TENM1: variants seen among roughly 807,000 people sequenced by gnomAD.
The protein encoded by TENM1 is teneurin transmembrane protein 1, also known as teneurin-1.
A neutral mutation model predicts 174.8 loss-of-function variants in TENM1; 35 were observed. The observed-to-expected ratio is 0.20, with a 90% CI of 0.15 to 0.27. The LOEUF (loss-of-function observed/expected upper bound fraction) is 0.27. Among genes scored for constraint, TENM1 ranks in the 10% least tolerant of loss-of-function variants. The probability of loss-of-function intolerance (pLI) is 1.00; values close to 1 mark genes in which losing one functional copy is unlikely to be tolerated. For synonymous variants in TENM1, 781 were observed against 798.7 expected, an observed-to-expected ratio of 0.98 and a Z score of 0.37; for missense variants, 1,633 against 2,130.1, an observed-to-expected ratio of 0.77 and a Z score of 4.59.
rs1219452273 is a variant in TENM1, at chrX:124,681,120, A to G, written c.1016-9285T>C. Among the ~76,000 whole-genome samples the G allele has an allele frequency of 2.7e-5, 3 of 112,134 alleles. No individual in the cohort carries two copies. The East Asian group carries it at 8.3e-4, about 31-fold the overall frequency. On this transcript the variant is annotated intron_variant, in intron 5 of 31. Transcript: ENST00000422452. ...TTCTGAGTTAGCATCATGTAATCATAGCCATAAATATGTGGTATGTGTCCT... is the reference window on the plus strand; with the variant it reads ...TTCTGAGTTAGCATCATGTAATCATGGCCATAAATATGTGGTATGTGTCCT...
At chrX:125,040,970 CACTTA>C in the TENM1 span, among the ~76,000 whole-genome samples, 3 of 111,477 alleles carry the variant, frequency 2.7e-5, no homozygotes, top group Non-Finnish European at 3.8e-5. Context: ...TATTAAAGAT[CACTTA>C]ACTTGTCTAT....
intron 11 of TENM1, among the ~76,000 whole-genome samples, chrX:124,589,149 C>T (rs886498899): frequency 3.7e-5 from 4 of 108,227 alleles, no homozygotes; most frequent in African/African-American, 1.4e-4. Context: ...GCTTTTTCCA[C>T]ATCTATTGAG....
intron 3 of TENM1, among the ~76,000 whole-genome samples, chrX:124,827,312 G>T (rs1468844494): frequency 8.9e-6 from 1 of 111,939 alleles, no homozygotes; most frequent in Non-Finnish European, 1.9e-5. Flanking sequence ...GCTTCCCAAA[G>T]TGCTGGGATT....
At chrX:125,187,458 T>C in the TENM1 span, among the ~76,000 whole-genome samples, 1 of 111,666 alleles carries the variant, frequency 9.0e-6, no homozygotes, top group African/African-American at 3.3e-5. Flanking sequence ...CATGATGTTT[T>C]TATAGTAATA....
intron 16 of TENM1, among the ~76,000 whole-genome samples, chrX:124,528,451 G>A (rs1468674986): frequency 9.0e-6 from 1 of 110,959 alleles, no homozygotes; most frequent in Non-Finnish European, 1.9e-5. Context: ...AAAGTCAAAT[G>A]TCTCAGAAGA....
intron 25 of TENM1, among the ~76,000 whole-genome samples, chrX:124,416,213 C>T (rs6649221): frequency 0.15 from 16,328 of 110,972 alleles, 1,092 homozygotes; most frequent in East Asian, 0.3. Context: ...TTTCTATCAC[C>T]CCCAAGATAA....
intron 3 of TENM1, among the ~76,000 whole-genome samples, chrX:124,858,679 T>A (rs2056856536): frequency 8.9e-6 from 1 of 112,089 alleles, no homozygotes; most frequent in African/African-American, 3.2e-5. Context: ...GTCTCTCTCC[T>A]ATAAAAGTGC....
chrX:124,548,504 TTGGAG>T (rs2048484075), intron 14 of TENM1, among the ~76,000 whole-genome samples: 2 of 111,491 alleles, frequency 1.8e-5, no homozygotes, highest in African/African-American at 6.5e-5. Flanking sequence ...AGAGAAGGGG[TTGGAG>T]TGATTAACTG....
chrX:125,113,994 C>A, the TENM1 span, among the ~76,000 whole-genome samples: 5,801 of 110,801 alleles, frequency 0.052, 383 homozygotes, highest in African/African-American at 0.18. Flanking sequence ...ATTCTAAAAT[C>A]GACCACATAA....
At chrX:124,731,053 G>A (rs1255049561) in intron 4 of TENM1, among the ~76,000 whole-genome samples, 1 of 111,223 alleles carries the variant, frequency 9.0e-6, no homozygotes, top group Non-Finnish European at 1.9e-5. Flanking sequence ...CAAAAGAACA[G>A]GTGCCAAAAT....
intron 11 of TENM1, among the ~76,000 whole-genome samples, chrX:124,569,642 A>T (rs2148184803): frequency 8.9e-6 from 1 of 111,906 alleles, no homozygotes; most frequent in South Asian, 3.7e-4. Flanking sequence ...AAATCAAGAA[A>T]TATACTTTCA....
the TENM1 span, among the ~76,000 whole-genome samples, chrX:125,164,093 A>T: frequency 9.0e-3 from 1,013 of 111,965 alleles, 16 homozygotes; most frequent in African/African-American, 0.031. Flanking sequence ...GAGAGAAACA[A>T]GTGAATTCAA....
At chrX:124,936,795 C>T (rs555184276) in intron 1 of TENM1, among the ~76,000 whole-genome samples, 1 of 111,486 alleles carries the variant, frequency 9.0e-6, no homozygotes, top group Non-Finnish European at 1.9e-5. Flanking sequence ...ACCTGTAATC[C>T]CAGCACTTTG....
chrX:125,110,927 A>G, the TENM1 span, among the ~76,000 whole-genome samples: 1 of 112,131 alleles, frequency 8.9e-6, no homozygotes, highest in Non-Finnish European at 1.9e-5. Flanking sequence ...ATTGTAAAGA[A>G]GTCCTAACTT....
chrX:124,396,678 A>G (rs1047624146), intron 27 of TENM1, among the ~76,000 whole-genome samples: 1 of 110,831 alleles, frequency 9.0e-6, no homozygotes, highest in Non-Finnish European at 1.9e-5. Flanking sequence ...AACACTACCT[A>G]CTACTGGGTT....
chrX:124,785,536 A>T (rs1395695345), intron 3 of TENM1, among the ~76,000 whole-genome samples: 1 of 112,202 alleles, frequency 8.9e-6, no homozygotes, highest in Non-Finnish European at 1.9e-5. Flanking sequence ...CCAACAGGAA[A>T]CAATACTTTG....
intron 14 of TENM1, among the ~76,000 whole-genome samples, chrX:124,549,990 G>A (rs2048523521): frequency 9.1e-6 from 1 of 109,969 alleles, no homozygotes; most frequent in African/African-American, 3.3e-5. Flanking sequence ...TCAGATATGG[G>A]CATGTCAAAT....
At chrX:124,504,897 ATG>A (rs2047412421) in intron 18 of TENM1, among the ~76,000 whole-genome samples, 2 of 55,122 alleles carry the variant, frequency 3.6e-5, no homozygotes, top group African/African-American at 6.3e-4. Context: ...TTGTGTGTGC[ATG>A]TGCATGTGCA....
At chrX:124,977,589 A>C in the TENM1 span, among the ~76,000 whole-genome samples, 1 of 110,772 alleles carries the variant, frequency 9.0e-6, no homozygotes, top group Non-Finnish European at 1.9e-5. Context: ...TCACCCTAAA[A>C]ATAATTCCTA....
Sources: allele counts gnomAD v4.1 joint callset (sites outside exome capture counted in the v4.1 genomes callset), GRCh38; gene constraint gnomAD v4.1.1; transcripts MANE v1.5; gene names NCBI Gene and HGNC (gene_info 2026-07-23, HGNC 2026-07-21).